Variants in GNG12 observed in about 807,000 individuals in gnomAD.
The protein encoded by GNG12 is G protein subunit gamma 12.
For missense variants in GNG12, 69 were observed against 83.8 expected (o/e 0.82, Z 0.69); for synonymous variants, 28 against 29.7 (o/e 0.94, Z 0.19).
chr1:67,796,847 C>T (rs780866422), intron 1 of GNG12, among the ~76,000 whole-genome samples: 2 of 152,138 alleles, frequency 1.3e-5, no homozygotes, highest in Non-Finnish European at 2.9e-5. Flanking sequence ...GTATAAGAAG[C>T]ATAGTGCTGG....
intron 2 of GNG12, among the ~76,000 whole-genome samples, chr1:67,746,762 T>C (rs1023045560): frequency 3.9e-5 from 6 of 152,186 alleles, no homozygotes; most frequent in Non-Finnish European, 8.8e-5. Flanking sequence ...TTCAAGGAGG[T>C]TGCCATTTTA....
intron 2 of GNG12, among the ~76,000 whole-genome samples, chr1:67,745,019 C>T (rs901294880): frequency 2.4e-4 from 36 of 152,188 alleles, no homozygotes; most frequent in African/African-American, 7.7e-4. Context: ...CTGTAAGATG[C>T]GAATAATAAT....
chr1:67,757,360 C>T (rs1316170702), intron 2 of GNG12, among the ~76,000 whole-genome samples: 1 of 152,182 alleles, frequency 6.6e-6, no homozygotes, highest in Non-Finnish European at 1.5e-5. Context: ...GATCAGCCTA[C>T]ATGAGGAAAC....
chr1:67,832,850 C>T (rs960261418), intron 1 of GNG12, among the ~76,000 whole-genome samples: 1 of 152,138 alleles, frequency 6.6e-6, no homozygotes, highest in Non-Finnish European at 1.5e-5. Flanking sequence ...GCGTGGCGTC[C>T]CTGTCGCCCC....
At chr1:67,727,282 T>C (rs1242485960) in intron 2 of GNG12, among the ~76,000 whole-genome samples, 2 of 152,260 alleles carry the variant, frequency 1.3e-5, no homozygotes, top group African/African-American at 4.8e-5. Flanking sequence ...TTTAGTTGTC[T>C]GTGACCAAAT....
chr1:67,792,771 G>T (rs188059322), intron 1 of GNG12, among the ~76,000 whole-genome samples: 5 of 152,264 alleles, frequency 3.3e-5, no homozygotes, highest in Admixed American at 3.3e-4. Context: ...AGCAGCCACA[G>T]AAAACACTGT....
At chr1:67,727,402 A>G (rs979448540) in intron 2 of GNG12, among the ~76,000 whole-genome samples, 1 of 152,374 alleles carries the variant, frequency 6.6e-6, no homozygotes, top group Non-Finnish European at 1.5e-5. Flanking sequence ...AAGTCAAAAT[A>G]AATGACATGT....
At chr1:67,736,552 T>C (rs1217504457) in intron 2 of GNG12, among the ~76,000 whole-genome samples, 1 of 152,136 alleles carries the variant, frequency 6.6e-6, no homozygotes, top group Non-Finnish European at 1.5e-5. Context: ...GCGTGAGTAA[T>C]GGAGTCACCA....
chr1:67,779,709 G>A (rs548395793), intron 1 of GNG12, among the ~76,000 whole-genome samples: 1 of 152,102 alleles, frequency 6.6e-6, no homozygotes, highest in African/African-American at 2.4e-5. Flanking sequence ...AATTCAAATG[G>A]CAATTATACA....
chr1:67,773,842 GA>G (rs1222077354), intron 2 of GNG12, among the ~76,000 whole-genome samples: 1 of 152,160 alleles, frequency 6.6e-6, no homozygotes, highest in African/African-American at 2.4e-5. Flanking sequence ...ATGACAATCT[GA>G]AGTCCATTAC....
intron 2 of GNG12, among the ~76,000 whole-genome samples, chr1:67,712,358 T>C (rs1337968296): frequency 6.6e-6 from 1 of 152,212 alleles, no homozygotes; most frequent in Non-Finnish European, 1.5e-5. Context: ...AAAGGTTTCT[T>C]ATTAGATGAG....
chr1:67,775,280 G>C (rs540147692), intron 2 of GNG12, among the ~76,000 whole-genome samples: 44 of 152,330 alleles, frequency 2.9e-4, no homozygotes, highest in African/African-American at 1.0e-3. Flanking sequence ...AGTTAGTAAG[G>C]TTCCAGAGCC....
chr1:67,740,197 A>G (rs1646475056), intron 2 of GNG12, among the ~76,000 whole-genome samples: 1 of 152,246 alleles, frequency 6.6e-6, no homozygotes, highest in Admixed American at 6.5e-5. Flanking sequence ...CAAAGTGCAT[A>G]AAGAATGAGC....
intron 1 of GNG12, among the ~76,000 whole-genome samples, chr1:67,780,618 G>T (rs1646732417): frequency 6.6e-6 from 1 of 152,124 alleles, no homozygotes; most frequent in Non-Finnish European, 1.5e-5. Context: ...ATCAACCCAG[G>T]CCTGATAAAA....
chr1:67,723,039 CATCT>C (rs1308558915), intron 2 of GNG12, among the ~76,000 whole-genome samples: 2 of 152,168 alleles, frequency 1.3e-5, no homozygotes, highest in African/African-American at 2.4e-5. Context: ...ACCCAGTGTT[CATCT>C]ATCTATCAAA....
intron 2 of GNG12, among the ~76,000 whole-genome samples, chr1:67,765,475 T>C (rs1646630570): frequency 6.6e-6 from 1 of 152,164 alleles, no homozygotes; most frequent in African/African-American, 2.4e-5. Context: ...GGGAACACAT[T>C]AGAAGCTAAG....
At chr1:67,720,164 G>C (rs927193108) in intron 2 of GNG12, among the ~76,000 whole-genome samples, 1 of 152,232 alleles carries the variant, frequency 6.6e-6, no homozygotes, top group East Asian at 1.9e-4. Context: ...ATTAGGGCCA[G>C]TTGCTGGTGC....
intron 2 of GNG12, among the ~76,000 whole-genome samples, chr1:67,774,486 TGC>T (rs1156613787): frequency 1.3e-5 from 2 of 152,236 alleles, no homozygotes; most frequent in Non-Finnish European, 2.9e-5. Flanking sequence ...TTACAAATGC[TGC>T]CATGCAGTGG....
intron 2 of GNG12, among the ~76,000 whole-genome samples, chr1:67,753,352 TG>T (rs1291189298): frequency 8.4e-6 from 1 of 118,882 alleles, no homozygotes; most frequent in African/African-American, 2.6e-5. Context: ...TTCCAAAACC[TG>T]AAAAAAAAAA....
Sources: gnomAD v4.1 joint callset for allele counts (sites outside exome capture counted in the v4.1 genomes callset) on GRCh38, gnomAD v4.1.1 for gene constraint, MANE v1.5 for transcripts, NCBI Gene and HGNC (gene_info 2026-07-23, HGNC 2026-07-21) for gene names.